IRAK4: variants seen among roughly 807,000 people sequenced by gnomAD.
IRAK4 encodes interleukin 1 receptor associated kinase 4, also known as interleukin-1 receptor-associated kinase 4.
Under a neutral mutation model 51.8 loss-of-function variants are expected in IRAK4, and 44 were observed. The observed-to-expected ratio is 0.85, with a 90% CI of 0.67 to 1.09. The LOEUF is 1.09. IRAK4 is among the 50% of genes least tolerant of loss of function. The pLI, the probability that IRAK4 is intolerant of heterozygous loss-of-function variation, is 0.00. For synonymous variants in IRAK4, 149 were observed against 174.1 expected, an observed-to-expected ratio of 0.86 and a Z score of 1.13; for missense variants, 487 against 538.0, an observed-to-expected ratio of 0.91 and a Z score of 0.94.
At position 43,788,142 on chromosome 12, in the gene IRAK4, C is replaced by T. The variant is rs1481210224; in HGVS notation, c.*1427C>T. ...CAGTAATAGAAAACAAATACAGATA[C>T]TCTCCCATGATGTTTTTCCCATGAT... On this transcript the variant is annotated 3_prime_UTR_variant, in exon 12 of 12. Coordinates refer to ENST00000613694, the MANE Select transcript of IRAK4 (RefSeq NM_016123.4). 1.3e-5 allele frequency: 2 copies of T among 152,316 alleles called. No individual in the cohort carries two copies. The highest frequency in any genetic ancestry group is 3.9e-4 in the East Asian group (2 of 5,176). 9.4% of individuals were successfully genotyped at this position (152,316 alleles called of 1,614,324 possible).
intron 2 of IRAK4, among the ~76,000 whole-genome samples, chr12:43,769,669 T>C (rs867820118): frequency 3.6e-4 from 54 of 152,086 alleles, no homozygotes; most frequent in Admixed American, 3.4e-3. Context: ...AGAAAAAGTA[T>C]TGTACACAAA....
rs757025762 is a variant in IRAK4, at chr12:43,772,264, A to C, written c.392A>C (p.Asp131Ala). The change falls in exon 4 of 12, where the codon GAC becomes GCC. Residue 131 changes from aspartate (D) to alanine (A), a missense_variant. Physicochemically the swap from Asp to Ala is moderately radical, Grantham distance 126. Coordinates refer to ENST00000613694, the MANE Select transcript of IRAK4 (RefSeq NM_016123.4). ...AAACAGATGCCTTTCTGTGACAAAG[A>C]CAGGACATTGATGACACCTGTGCAG... ...QQKQMPFCDKDRTLMTPVQNL... is the reference protein window; with the variant it reads ...QQKQMPFCDKARTLMTPVQNL... The C allele has an allele frequency of 6.2e-7, 1 of 1,613,844 alleles. No homozygotes were observed. Among genetic ancestry groups the C allele is most frequent in the South Asian group, 1.1e-5 (1 of 91,084 alleles).
intron 5 of IRAK4, 70 bp from the exon 6 acceptor site, chr12:43,773,895 C>T: frequency 1.1e-6 from 1 of 951,496 alleles, no homozygotes; most frequent in Non-Finnish European, 1.7e-6. Flanking sequence ...GCCAGCTGAT[C>T]TCTTGATCCC....
At chr12:43,774,390 G>A (rs1442801947) in intron 6 of IRAK4, among the ~76,000 whole-genome samples, 1 of 152,060 alleles carries the variant, frequency 6.6e-6, no homozygotes, top group African/African-American at 2.4e-5. Flanking sequence ...ACCTACAGGC[G>A]TGTGCCACCA....
chr12:43,770,039 G>C (rs1031656602), intron 2 of IRAK4, among the ~76,000 whole-genome samples: 1 of 152,134 alleles, frequency 6.6e-6, no homozygotes, highest in Non-Finnish European at 1.5e-5. Context: ...GTGAATCTAG[G>C]TGAATGGTTG....
chr12:43,765,187 G>A (rs779481408), intron 1 of IRAK4, among the ~76,000 whole-genome samples: 17 of 152,200 alleles, frequency 1.1e-4, no homozygotes, highest in Admixed American at 2.0e-4. Flanking sequence ...TGGAAAGTTT[G>A]CTCAACTTTA....
At chr12:43,771,481 G>T in intron 3 of IRAK4, 116 bp downstream of exon 3, 1 of 1,101,554 alleles carries the variant, frequency 9.1e-7, no homozygotes, top group Admixed American at 1.9e-5. Context: ...TTACATTTGA[G>T]AGTCCCTTTC....
chr12:43,780,552 CT>C (rs1228593382), intron 8 of IRAK4, among the ~76,000 whole-genome samples: 1 of 151,126 alleles, frequency 6.6e-6, no homozygotes, highest in Non-Finnish European at 1.5e-5. Flanking sequence ...ATATCATTGT[CT>C]CTTTTCTCCC....
At chr12:43,781,298 C>T (rs1162832941) in intron 8 of IRAK4, among the ~76,000 whole-genome samples, 3 of 152,180 alleles carry the variant, frequency 2.0e-5, no homozygotes, top group Non-Finnish European at 4.4e-5. Context: ...TATCAGTTCT[C>T]ATCTATTCAC....
Position 43,787,003 on chromosome 12 carries a change from C to T in IRAK4, c.*288C>T. On this transcript the variant is annotated 3_prime_UTR_variant, in exon 12 of 12. Coordinates refer to ENST00000613694, the MANE Select transcript of IRAK4 (RefSeq NM_016123.4). ...AAAATTACAGGGTTAGCAAAAAGAG[C>T]CTGGGCTGTATGTAGGGTGGAAACA... 2.3e-6 allele frequency: 1 copy of T among 432,054 alleles called. No homozygotes were observed. The highest frequency in any genetic ancestry group is 4.1e-6 in the Non-Finnish European group (1 of 241,562). The allele number at this position is 432,054 out of a possible 1,614,324, so 26.8% of individuals were successfully genotyped here. A position where few individuals can be genotyped will look rare whatever the true frequency, so the allele number is the denominator to read the frequency against.
chr12:43,764,773 G>A (rs532722540), intron 1 of IRAK4, among the ~76,000 whole-genome samples: 2,830 of 152,250 alleles, frequency 0.019, 57 homozygotes, highest in South Asian at 0.071. Context: ...TTTCCCAGGT[G>A]TTTTTCTGCT....
chr12:43,767,904 C>A (rs1940336314), intron 1 of IRAK4, among the ~76,000 whole-genome samples, 199 bp from the exon 2 acceptor site: 1 of 152,014 alleles, frequency 6.6e-6, no homozygotes, highest in Non-Finnish European at 1.5e-5. Context: ...AGGAAGCAAA[C>A]CCAGAGGATA....
chr12:43,785,697 C>T (rs181178762), intron 10 of IRAK4, among the ~76,000 whole-genome samples: 17 of 149,734 alleles, frequency 1.1e-4, no homozygotes, highest in African/African-American at 4.2e-4. Context: ...GAATACATTC[C>T]GAGAAATGTG....
rs1941383017 is a variant in IRAK4 at position 43,777,462 on chromosome 12, T to A, written c.717-168T>A. On this transcript the variant is annotated intron_variant, in intron 6 of 11. Coordinates refer to ENST00000613694, the MANE Select transcript of IRAK4 (RefSeq NM_016123.4). ...GAAAAGAGAAGTATTTGCAGAAAAT[T>A]ATAAACAGTTACAATAAACATATAT... 4.6e-5 allele frequency among the ~76,000 whole-genome samples: 7 copies of A among 152,314 alleles called. No homozygotes were observed. The South Asian group carries it at 1.4e-3, about 32-fold the overall frequency.
chr12:43,782,163 T>A, intron 8 of IRAK4, 144 bp from the exon 9 acceptor site: 1 of 647,082 alleles, frequency 1.5e-6, no homozygotes. Context: ...CTATAAAACG[T>A]TACACTCTGT....
intron 1 of IRAK4, among the ~76,000 whole-genome samples, chr12:43,760,610 A>G (rs1939425994): frequency 6.6e-6 from 1 of 152,040 alleles, no homozygotes; most frequent in Non-Finnish European, 1.5e-5. Flanking sequence ...CCCAGTTCCA[A>G]CCTTTGCATT....
At chr12:43,782,231 C>A (rs1941836937) in intron 8 of IRAK4, 76 bp from the exon 9 acceptor site, 2 of 880,448 alleles carry the variant, frequency 2.3e-6, no homozygotes, top group Non-Finnish European at 3.8e-6. Flanking sequence ...TACATACGTA[C>A]ATCTAGCTAA....
intron 3 of IRAK4, among the ~76,000 whole-genome samples, chr12:43,771,975 G>A (rs1940814329): frequency 6.6e-6 from 1 of 152,140 alleles, no homozygotes; most frequent in South Asian, 2.1e-4. Flanking sequence ...ATGGATCACT[G>A]TTTGAAAACA....
At chr12:43,772,020 T>C (rs113556585) in intron 3 of IRAK4, among the ~76,000 whole-genome samples, 160 bp from the exon 4 acceptor site, 18 of 152,236 alleles carry the variant, frequency 1.2e-4, no homozygotes, top group African/African-American at 2.4e-4. Flanking sequence ...TCATTATAAC[T>C]TACAGATTCT....
Sources: gnomAD v4.1 joint callset for allele counts (sites outside exome capture counted in the v4.1 genomes callset) on GRCh38, gnomAD v4.1.1 for gene constraint, MANE v1.5 for transcripts, NCBI Gene and HGNC (gene_info 2026-07-23, HGNC 2026-07-21) for gene names.